FAM184B: variants seen among roughly 807,000 people sequenced by gnomAD.
The protein encoded by FAM184B is protein FAM184B.
In FAM184B, 111 loss-of-function variants were observed where a neutral mutation model predicts 135.9. That is an observed-to-expected ratio of 0.82 (90% confidence interval 0.70 to 0.96). The LOEUF is 0.96. FAM184B is among the 40% of genes least tolerant of loss of function. The pLI is 0.00. For synonymous variants in FAM184B, 552 were observed against 524.8 expected (o/e 1.05, Z -0.71); for missense variants, 1,375 against 1,323.9 (o/e 1.04, Z -0.60).
chr4:17,716,162 C>T (rs1156461900), intron 1 of FAM184B, among the ~76,000 whole-genome samples: 1 of 152,142 alleles, frequency 6.6e-6, no homozygotes, highest in Non-Finnish European at 1.5e-5. Flanking sequence ...AGTGTGTCTT[C>T]CTGTGCAATG....
rs533696317 is a variant in FAM184B, at chr4:17,769,519, C to T, written c.141+11640G>A. ...GGAGGCACCACGTCTGAATAGATCC[C>T]GTCATTGTGGTCAGGGGCTGGGAGT... is the stretch of plus-strand genomic sequence containing the variant. On this transcript the variant is annotated intron_variant, in intron 1 of 17. Transcript: ENST00000265018. Among the ~76,000 whole-genome samples the T allele has an allele frequency of 3.3e-5, 5 of 152,162 alleles. No homozygotes were observed. In the East Asian group the frequency reaches 7.7e-4, roughly 24 times the overall value.
intron 1 of FAM184B, among the ~76,000 whole-genome samples, chr4:17,753,565 T>G (rs1221060216): frequency 6.6e-6 from 1 of 152,110 alleles, no homozygotes; most frequent in African/African-American, 2.4e-5. Flanking sequence ...TAGATTAGGG[T>G]GCTGTGAGAT....
intron 1 of FAM184B, among the ~76,000 whole-genome samples, chr4:17,771,438 C>G (rs1010456674): frequency 1.3e-5 from 2 of 152,152 alleles, no homozygotes; most frequent in Non-Finnish European, 2.9e-5. Flanking sequence ...TCGTGAGCTC[C>G]TTACACAATG....
intron 10 of FAM184B, among the ~76,000 whole-genome samples, 169 bp from the exon 11 acceptor site, chr4:17,653,152 C>T (rs552633130): frequency 7.4e-6 from 1 of 134,742 alleles, no homozygotes; most frequent in East Asian, 1.9e-4. Context: ...CCACAGCAGC[C>T]ATTTTGCACC....
At chr4:17,775,436 C>G (rs1444680510) in intron 1 of FAM184B, among the ~76,000 whole-genome samples, 1 of 152,166 alleles carries the variant, frequency 6.6e-6, no homozygotes, top group Non-Finnish European at 1.5e-5. Context: ...CTGCCCGCCT[C>G]GGCCTCCCAA....
At chr4:17,741,107 T>C (rs1718022647) in intron 1 of FAM184B, among the ~76,000 whole-genome samples, 1 of 152,206 alleles carries the variant, frequency 6.6e-6, no homozygotes, top group Non-Finnish European at 1.5e-5. Flanking sequence ...GTTCTTGGTA[T>C]TAGGAATACG....
chr4:17,683,305 C>G (rs904939802), intron 7 of FAM184B, among the ~76,000 whole-genome samples: 2 of 152,220 alleles, frequency 1.3e-5, no homozygotes, highest in African/African-American at 4.8e-5. Context: ...CACGCACACA[C>G]CACTGCACCC....
chr4:17,705,998 A>C (rs1457730614), intron 3 of FAM184B, 107 bp from the exon 4 acceptor site: 14 of 1,422,726 alleles, frequency 9.8e-6, no homozygotes, highest in Non-Finnish European at 1.2e-5. Context: ...ACTTTGTCCA[A>C]CATCCCCTGT....
chr4:17,650,657 G>A (rs1715590471), intron 11 of FAM184B, among the ~76,000 whole-genome samples: 1 of 152,156 alleles, frequency 6.6e-6, no homozygotes, highest in Non-Finnish European at 1.5e-5. Flanking sequence ...CACAGCCTGG[G>A]TTCTATCTTT....
At chr4:17,760,703 A>C (rs533459025) in intron 1 of FAM184B, among the ~76,000 whole-genome samples, 1 of 152,238 alleles carries the variant, frequency 6.6e-6, no homozygotes, top group South Asian at 2.1e-4. Flanking sequence ...AGCACTTAGA[A>C]TCCTAAAAGA....
intron 10 of FAM184B, among the ~76,000 whole-genome samples, chr4:17,655,139 C>A (rs1178862093): frequency 6.6e-6 from 1 of 152,218 alleles, no homozygotes; most frequent in Non-Finnish European, 1.5e-5. Flanking sequence ...AGCCACCATG[C>A]CTGATTGCGA....
chr4:17,690,996 G>A (rs1716719204), intron 6 of FAM184B, among the ~76,000 whole-genome samples: 1 of 152,166 alleles, frequency 6.6e-6, no homozygotes, highest in African/African-American at 2.4e-5. Context: ...GGTAGGAGGA[G>A]TCAAGAATGG....
chr4:17,702,047 G>T (rs1716997839), intron 5 of FAM184B, among the ~76,000 whole-genome samples: 1 of 152,184 alleles, frequency 6.6e-6, no homozygotes, highest in Non-Finnish European at 1.5e-5. Flanking sequence ...GCCCAGTGTG[G>T]GTGGTGTTGG....
At chr4:17,690,002 G>T (rs957765281) in intron 6 of FAM184B, among the ~76,000 whole-genome samples, 9 of 152,032 alleles carry the variant, frequency 5.9e-5, no homozygotes. Flanking sequence ...TACACAATTA[G>T]CTGGGCCTGT....
At chr4:17,635,512 A>G (rs991726173) in intron 15 of FAM184B, among the ~76,000 whole-genome samples, 3 of 152,090 alleles carry the variant, frequency 2.0e-5, no homozygotes, top group Non-Finnish European at 4.4e-5. Context: ...AGAGTAATGA[A>G]ATCCATCCCC....
chr4:17,680,401 G>A (rs185795832), intron 7 of FAM184B, among the ~76,000 whole-genome samples: 30 of 152,196 alleles, frequency 2.0e-4, no homozygotes, highest in Admixed American at 5.2e-4. Flanking sequence ...CATGTTCAAT[G>A]ATAATGATGA....
intron 11 of FAM184B, among the ~76,000 whole-genome samples, 156 bp downstream of exon 11, chr4:17,652,674 A>AGAGCCCTG (rs1228537975): frequency 6.6e-6 from 1 of 150,764 alleles, no homozygotes. Flanking sequence ...TGTGAATCTG[A>AGAGCCCTG]GAGCCCTGGA....
At chr4:17,701,319 A>G (rs1423079229) in intron 5 of FAM184B, among the ~76,000 whole-genome samples, 1 of 152,230 alleles carries the variant, frequency 6.6e-6, no homozygotes, top group Non-Finnish European at 1.5e-5. Flanking sequence ...ACTGGTAGAG[A>G]GCAAGAATTA....
chr4:17,645,019 A>G (rs1393773926), intron 12 of FAM184B, among the ~76,000 whole-genome samples: 1 of 152,206 alleles, frequency 6.6e-6, no homozygotes, highest in Non-Finnish European at 1.5e-5. Context: ...TAGGAATCCA[A>G]CTTACAAGGG....
Sources: allele counts gnomAD v4.1 joint callset (sites outside exome capture counted in the v4.1 genomes callset), GRCh38; gene constraint gnomAD v4.1.1; transcripts MANE v1.5; gene names NCBI Gene and HGNC (gene_info 2026-07-23, HGNC 2026-07-21).